GRIA3: variants seen among roughly 807,000 people sequenced by gnomAD.
GRIA3 encodes the protein glutamate receptor 3.
A neutral mutation model predicts 63.0 loss-of-function variants in GRIA3; 3 were observed. That is an observed-to-expected ratio of 0.05 (90% CI 0.02 to 0.12). The LOEUF is 0.12. GRIA3 is among the 10% of genes least tolerant of loss of function. The pLI is 1.00. For synonymous variants in GRIA3, 274 were observed against 257.9 expected (o/e 1.06, Z -0.60); for missense variants, 347 against 700.9 (o/e 0.50, Z 5.70).
chrX:123,322,043 C>A (rs887137008), intron 3 of GRIA3, among the ~76,000 whole-genome samples: 9 of 111,385 alleles, frequency 8.1e-5, no homozygotes, highest in Non-Finnish European at 1.9e-5. Flanking sequence ...ACTTTTCCAA[C>A]AACTGAAGGA....
At position 123,319,573 on chromosome X, in the gene GRIA3, C is replaced by G. The variant is rs183405967; in HGVS notation, c.509-6453C>G. ...CTTAGAGAGAAACACCCAGATGCTA[C>G]CTCAGAAAAGGAAAGATATTTGTAA... is the stretch of plus-strand genomic sequence containing the variant. On this transcript the variant is annotated intron_variant, in intron 3 of 15. Coordinates refer to ENST00000620443, the MANE Select transcript of GRIA3 (RefSeq NM_007325.5). Among the ~76,000 whole-genome samples the G allele has an allele frequency of 1.5e-3, 162 of 111,723 alleles. 1 individual carries two copies. Among genetic ancestry groups the G allele is most frequent in the Middle Eastern group, 9.3e-3 (2 of 214 alleles).
chrX:123,216,444 C>T (rs1299542704), intron 2 of GRIA3, among the ~76,000 whole-genome samples: 1 of 111,659 alleles, frequency 9.0e-6, no homozygotes, highest in Non-Finnish European at 1.9e-5. Context: ...TCTTCAGCTT[C>T]TTGGGTCAGT....
chrX:123,352,074 A>C (rs921038127), intron 4 of GRIA3, among the ~76,000 whole-genome samples: 1 of 72,972 alleles, frequency 1.4e-5, no homozygotes, highest in African/African-American at 6.2e-5. Context: ...TAAATAATGC[A>C]CATTTCAAAC....
intron 2 of GRIA3, among the ~76,000 whole-genome samples, chrX:123,238,936 T>C (rs1432090040): frequency 9.1e-6 from 1 of 110,251 alleles, no homozygotes; most frequent in Non-Finnish European, 1.9e-5. Flanking sequence ...GGAGGTCATA[T>C]GAAAGGGAAC....
Position 123,394,269 on chromosome X carries a change from C to T in GRIA3, c.751-699C>T, listed in dbSNP as rs180817417. ...CCCAGCTACTTGGGAGGCTGAGGCA[C>T]GAGAATCGCTTGAACCCGGGGGGTG... is the stretch of plus-strand genomic sequence containing the variant. On this transcript the variant is annotated intron_variant, in intron 5 of 15. Transcript: ENST00000620443. Among the ~76,000 whole-genome samples, 14 of 110,624 alleles carry T rather than the reference C, an allele frequency of 1.3e-4. No homozygotes were observed. The East Asian group carries it at 4.0e-3, about 31-fold the overall frequency.
intron 2 of GRIA3, among the ~76,000 whole-genome samples, chrX:123,191,404 A>C (rs986588774): frequency 2.7e-5 from 3 of 111,704 alleles, no homozygotes; most frequent in Non-Finnish European, 5.6e-5. Context: ...AGCTGCTCAG[A>C]AACTGTCTGG....
At chrX:123,418,738 A>C (rs917400572) in intron 11 of GRIA3, among the ~76,000 whole-genome samples, 2 of 112,582 alleles carry the variant, frequency 1.8e-5, no homozygotes, top group Non-Finnish European at 3.7e-5. Context: ...GCAATCAAAA[A>C]GATAGGCAAT....
intron 3 of GRIA3, among the ~76,000 whole-genome samples, chrX:123,302,155 G>A (rs989187423): frequency 8.9e-6 from 1 of 111,778 alleles, no homozygotes; most frequent in African/African-American, 3.2e-5. Context: ...GCCTGGAATC[G>A]GATCTTAGAC....
At chrX:123,404,267 A>G (rs2045459223) in intron 9 of GRIA3, among the ~76,000 whole-genome samples, 1 of 110,950 alleles carries the variant, frequency 9.0e-6, no homozygotes, top group Non-Finnish European at 1.9e-5. Flanking sequence ...CTGGAGATAT[A>G]AAAATGTAAA....
chrX:123,350,642 T>G (rs778349433), intron 4 of GRIA3, among the ~76,000 whole-genome samples: 1 of 112,516 alleles, frequency 8.9e-6, no homozygotes, highest in South Asian at 3.7e-4. Context: ...AACCCCCAGT[T>G]TCACAGATGA....
intron 2 of GRIA3, among the ~76,000 whole-genome samples, chrX:123,191,916 G>A (rs749652683): frequency 9.0e-6 from 1 of 111,209 alleles, no homozygotes; most frequent in Non-Finnish European, 1.9e-5. Flanking sequence ...CAAAACTAGG[G>A]ACTATGGGAA....
chrX:123,481,148 G>A (rs1417896907), intron 14 of GRIA3, among the ~76,000 whole-genome samples: 1 of 111,510 alleles, frequency 9.0e-6, no homozygotes, highest in Non-Finnish European at 1.9e-5. Context: ...TTATGTCAAA[G>A]GACCTCTCCC....
intron 4 of GRIA3, among the ~76,000 whole-genome samples, chrX:123,345,781 C>G (rs1405977877): frequency 9.0e-6 from 1 of 110,717 alleles, no homozygotes; most frequent in Non-Finnish European, 1.9e-5. Context: ...CCCCATCCCA[C>G]AGCAGCAGGA....
At chrX:123,471,745 G>A (rs1357652885) in intron 13 of GRIA3, among the ~76,000 whole-genome samples, 1 of 107,943 alleles carries the variant, frequency 9.3e-6, no homozygotes, top group Admixed American at 1.0e-4. Flanking sequence ...AATATATTTG[G>A]TGAGGGTGGG....
intron 3 of GRIA3, among the ~76,000 whole-genome samples, chrX:123,254,456 T>A: frequency 9.0e-6 from 1 of 111,526 alleles, no homozygotes; most frequent in Non-Finnish European, 1.9e-5. Context: ...TGTTACTTTA[T>A]CACTCATTTG....
At chrX:123,220,959 T>C (rs778863659) in intron 2 of GRIA3, among the ~76,000 whole-genome samples, 1 of 112,519 alleles carries the variant, frequency 8.9e-6, no homozygotes, top group African/African-American at 3.2e-5. Flanking sequence ...ATAGTTTTGT[T>C]GATCCTGACA....
intron 4 of GRIA3, among the ~76,000 whole-genome samples, chrX:123,344,242 T>C (rs1389274842): frequency 8.9e-6 from 1 of 112,239 alleles, no homozygotes; most frequent in African/African-American, 3.2e-5. Context: ...CATAAGGTGA[T>C]TGCAGTGTAG....
At chrX:123,247,886 G>A (rs1311524909) in intron 2 of GRIA3, among the ~76,000 whole-genome samples, 1 of 110,519 alleles carries the variant, frequency 9.0e-6, no homozygotes, top group African/African-American at 3.3e-5. Context: ...AGAGAGAGAG[G>A]TGAAGCTGAT....
intron 3 of GRIA3, among the ~76,000 whole-genome samples, chrX:123,273,852 A>G (rs143216674): frequency 0.011 from 1,263 of 112,324 alleles, 18 homozygotes; most frequent in African/African-American, 0.039. Flanking sequence ...ACTCACCCAT[A>G]GAGCTAATCT....
Sources: allele counts gnomAD v4.1 joint callset (sites outside exome capture counted in the v4.1 genomes callset), GRCh38; gene constraint gnomAD v4.1.1; transcripts MANE v1.5; gene names NCBI Gene and HGNC (gene_info 2026-07-23, HGNC 2026-07-21).